Variants in LGR6 observed in about 807,000 individuals in gnomAD.
The protein encoded by LGR6 is leucine rich repeat containing G protein-coupled receptor 6.
LGR6 carries 45 observed loss-of-function variants against 69.4 expected under a neutral mutation model. That is an observed-to-expected ratio of 0.65 (90% CI 0.51 to 0.83). The LOEUF (loss-of-function observed/expected upper bound fraction) is 0.83. LGR6 is among the 40% of genes least tolerant of loss of function. LGR6 has a pLI of 0.00. For synonymous variants in LGR6, 538 were observed against 555.0 expected, an observed-to-expected ratio of 0.97 and a Z score of 0.43; for missense variants, 1,108 against 1,246.7, an observed-to-expected ratio of 0.89 and a Z score of 1.68.
In LGR6 at chr1:202,214,111, G is replaced by A. The variant is rs1440987558; in HGVS notation, c.213-11312G>A. ...GAGAGGATCAGCGCGGAGGGTGGCG[G>A]GCACTGGACCGCAGAACTGGCACTC... On this transcript the variant is annotated intron_variant, in intron 1 of 17. Coordinates refer to ENST00000367278, the MANE Select transcript of LGR6 (RefSeq NM_001017403.2). The A allele has an allele frequency of 7.0e-6, 10 of 1,432,468 alleles. No homozygotes were observed. The East Asian group carries it at 2.1e-4, about 30-fold the overall frequency. 88.7% of individuals were successfully genotyped at this position (1,432,468 alleles called of 1,614,324 possible).
At chr1:202,203,187 G>A (rs1228214856) in intron 1 of LGR6, among the ~76,000 whole-genome samples, 4 of 152,150 alleles carry the variant, frequency 2.6e-5, no homozygotes, top group Admixed American at 6.5e-5. Flanking sequence ...TGATTGGCAA[G>A]TTAGAATTGC....
intron 4 of LGR6, among the ~76,000 whole-genome samples, chr1:202,252,622 T>C (rs1164225830): frequency 6.6e-6 from 1 of 152,182 alleles, no homozygotes; most frequent in Non-Finnish European, 1.5e-5. Flanking sequence ...TGACAAGAAT[T>C]CAGGTTGTGG....
chr1:202,315,632 T>G (rs1654085725), intron 17 of LGR6, among the ~76,000 whole-genome samples: 1 of 152,218 alleles, frequency 6.6e-6, no homozygotes, highest in Admixed American at 6.5e-5. Flanking sequence ...AACAGTTTGC[T>G]TCTTCTATTT....
chr1:202,284,543 T>C (rs1286347485), intron 6 of LGR6, among the ~76,000 whole-genome samples: 7 of 152,126 alleles, frequency 4.6e-5, no homozygotes. Flanking sequence ...AGATCAATCA[T>C]AGGACTTCCC....
At chr1:202,250,053 A>G (rs1317574247) in intron 4 of LGR6, among the ~76,000 whole-genome samples, 29 of 152,150 alleles carry the variant, frequency 1.9e-4, no homozygotes, top group Admixed American at 1.8e-3. Context: ...CTCCCACTCT[A>G]TGCTGTAGCC....
At chr1:202,233,001 G>T (rs1661217780) in intron 3 of LGR6, among the ~76,000 whole-genome samples, 1 of 152,144 alleles carries the variant, frequency 6.6e-6, no homozygotes, top group African/African-American at 2.4e-5. Context: ...AGGGAAATGG[G>T]TCAGGGCCAA....
intron 4 of LGR6, among the ~76,000 whole-genome samples, chr1:202,238,613 G>A (rs1661832846): frequency 6.7e-6 from 1 of 150,314 alleles, no homozygotes; most frequent in Non-Finnish European, 1.5e-5. Flanking sequence ...CAGTAGAGAC[G>A]GGGGTTTCAC....
At position 202,280,768 on chromosome 1, in the gene LGR6, C is replaced by T. The variant is rs768168071; in HGVS notation, c.645-13C>T. ...TGGGCACCCATTCTGATGCGTCTTT[C>T]CTTCCCGTGCAGGCATTTGCATAAC... On this transcript the variant is annotated splice_polypyrimidine_tract_variant and intron_variant, in intron 5 of 17. Transcript: ENST00000367278. The T allele has an allele frequency of 4.3e-5, 69 of 1,613,986 alleles. No individual in the cohort carries two copies. In the Middle Eastern group the frequency reaches 1.8e-3, roughly 42 times the overall value.
At position 202,268,820 on chromosome 1, in the gene LGR6, T is replaced by G. The variant is rs1244613808; in HGVS notation, c.429-7486T>G. Among the ~76,000 whole-genome samples, 1 of 152,184 alleles carries G rather than the reference T, an allele frequency of 6.6e-6. No homozygotes were observed. Among genetic ancestry groups the G allele is most frequent in the Non-Finnish European group, 1.5e-5 (1 of 68,040 alleles). On this transcript the variant is annotated intron_variant, in intron 4 of 17. Coordinates refer to ENST00000367278, the MANE Select transcript of LGR6 (RefSeq NM_001017403.2). This position sits in a 1 kb window ranked among gnomAD's most constrained non-coding sequence, Gnocchi z 4.4. ...TAGTTTGGGAGCAGAGCCGACCTCATGGGCCTGCGACCTGTGTGGTTGCCA... is the reference window on the plus strand; with the variant it reads ...TAGTTTGGGAGCAGAGCCGACCTCAGGGGCCTGCGACCTGTGTGGTTGCCA...
intron 14 of LGR6, among the ~76,000 whole-genome samples, chr1:202,308,395 CAG>C (rs1292028199): frequency 4.6e-4 from 70 of 152,174 alleles, no homozygotes; most frequent in Non-Finnish European, 6.9e-4. Flanking sequence ...GTGACAGTGC[CAG>C]GTTTCCTGCC....
intron 4 of LGR6, among the ~76,000 whole-genome samples, chr1:202,271,056 AG>A (rs1665054414): frequency 6.6e-6 from 1 of 152,142 alleles, no homozygotes; most frequent in Admixed American, 6.5e-5. Context: ...AAATCACTTG[AG>A]GGGCCAGGTC....
intron 1 of LGR6, among the ~76,000 whole-genome samples, chr1:202,217,613 A>C (rs7552364): frequency 0.028 from 4,221 of 152,066 alleles, 198 homozygotes; most frequent in African/African-American, 0.097. Flanking sequence ...TCTGACCTGC[A>C]CAAGGTTTGC....
chr1:202,258,423 T>C (rs1272869521), intron 4 of LGR6, among the ~76,000 whole-genome samples: 1 of 152,050 alleles, frequency 6.6e-6, no homozygotes, highest in African/African-American at 2.4e-5. Flanking sequence ...TTAAAAAATA[T>C]AGTCTTCTCC....
intron 4 of LGR6, 177 bp downstream of exon 4, chr1:202,236,170 T>C (rs988145566): frequency 1.6e-6 from 1 of 618,982 alleles, no homozygotes; most frequent in Non-Finnish European, 2.9e-6. Context: ...TTGTCATCAG[T>C]GTGTGGCTGT....
chr1:202,302,654 C>G (rs1667688636), intron 9 of LGR6, among the ~76,000 whole-genome samples: 1 of 152,180 alleles, frequency 6.6e-6, no homozygotes, highest in South Asian at 2.1e-4. Context: ...TCAAGCGATT[C>G]TCCTGCCTCA....
chr1:202,265,951 C>G (rs1358138996), intron 4 of LGR6, among the ~76,000 whole-genome samples: 2 of 152,158 alleles, frequency 1.3e-5, no homozygotes, highest in African/African-American at 4.8e-5. Flanking sequence ...CTGAAGTTGG[C>G]CTTTTACTAT....
intron 3 of LGR6, among the ~76,000 whole-genome samples, chr1:202,232,323 T>G (rs1040609928): frequency 2.0e-5 from 3 of 152,094 alleles, no homozygotes; most frequent in African/African-American, 7.2e-5. Context: ...TCATGGTTCC[T>G]GCCCCCAAAT....
intron 7 of LGR6, among the ~76,000 whole-genome samples, chr1:202,298,888 C>G (rs1667371275): frequency 6.6e-6 from 1 of 152,006 alleles, no homozygotes. Flanking sequence ...CCCATGCCAC[C>G]TCCCTTGCCT....
chr1:202,303,367 C>T lies in LGR6; in HGVS notation c.998+20C>T. 1 of 1,592,098 alleles carries T rather than the reference C, an allele frequency of 6.3e-7. No individual in the cohort carries two copies. The highest frequency in any genetic ancestry group is 8.6e-7 in the Non-Finnish European group (1 of 1,159,962). On this transcript the variant is annotated intron_variant, in intron 10 of 17. Coordinates refer to ENST00000367278, the MANE Select transcript of LGR6 (RefSeq NM_001017403.2). ...GATCCTGTGAGTGGCTTCTCTCTCCCTACCTTATCTATCGCCCCAGCTTCA... is the reference window on the plus strand; with the variant it reads ...GATCCTGTGAGTGGCTTCTCTCTCCTTACCTTATCTATCGCCCCAGCTTCA...
Sources: allele counts gnomAD v4.1 joint callset (sites outside exome capture counted in the v4.1 genomes callset), GRCh38; gene constraint gnomAD v4.1.1; non-coding constraint Gnocchi (gnomAD v3.1); transcripts MANE v1.5; gene names NCBI Gene and HGNC (gene_info 2026-07-23, HGNC 2026-07-21).